The following MBD2 variants were observed in gnomAD, a reference collection of about 807,000 sequenced individuals.
The protein encoded by MBD2 is methyl-CpG binding domain protein 2, also known as methyl-CpG-binding domain protein 2.
MBD2 carries 9 observed loss-of-function variants against 39.3 expected under a neutral mutation model. That is an observed-to-expected ratio of 0.23 (90% CI 0.14 to 0.40). The LOEUF is 0.40. MBD2 is among the 10% of genes least tolerant of loss of function. MBD2 has a pLI of 1.00. For synonymous variants in MBD2, 233 were observed against 211.1 expected, an observed-to-expected ratio of 1.10 and a Z score of -0.90; for missense variants, 458 against 532.6, an observed-to-expected ratio of 0.86 and a Z score of 1.38.
chr18:54,223,215 C>T (rs1413752911), intron 1 of MBD2, among the ~76,000 whole-genome samples: 2 of 152,182 alleles, frequency 1.3e-5, no homozygotes, highest in East Asian at 1.9e-4. Context: ...AGCATGACCA[C>T]GGGATTGCAA....
intron 2 of MBD2, among the ~76,000 whole-genome samples, chr18:54,200,159 A>C (rs1314757510): frequency 6.6e-6 from 1 of 152,216 alleles, no homozygotes; most frequent in African/African-American, 2.4e-5. Flanking sequence ...CTTTATTTTC[A>C]AATGTATCCA....
In MBD2 at chr18:54,159,859, T is replaced by A; in HGVS notation, c.1154A>T (p.Glu385Val). ...CGACAAGATGTCTGCCATCAGTGCTTCTTCCAATTTCTTGCGTACTTGCTG... is the reference window on the plus strand; with the variant it reads ...CGACAAGATGTCTGCCATCAGTGCTACTTCCAATTTCTTGCGTACTTGCTG... ...RVQQVRKKLE[E>V]ALMADILSRA... Residue 385 changes from glutamate to valine, a missense_variant, in exon 6 of 7, where the codon GAA becomes GTA. This residue lies in a region of MBD2 where 189 missense variants were observed against 296.6 expected (regional missense o/e 0.64). Transcript: ENST00000256429. 2 of 1,612,932 alleles carry A rather than the reference T, an allele frequency of 1.2e-6. No individual in the cohort carries two copies. The highest frequency in any genetic ancestry group is 2.2e-5 in the South Asian group (2 of 91,084).
At chr18:54,160,099 C>T in intron 5 of MBD2, 196 bp from the exon 6 acceptor site, 1 of 557,808 alleles carries the variant, frequency 1.8e-6, no homozygotes, top group East Asian at 3.0e-5. Context: ...GAGGAATGTT[C>T]ACAGAGGCAG....
intron 2 of MBD2, 71 bp downstream of exon 2, chr18:54,204,927 A>T: frequency 6.8e-7 from 1 of 1,473,626 alleles, no homozygotes; most frequent in Non-Finnish European, 9.3e-7. Flanking sequence ...CCAGTCACTT[A>T]ATTATGATGT....
rs1196398276 is a variant in MBD2, at chr18:54,205,055, A to T, written c.645T>A (p.Pro215=). Residue 215 remains proline, a synonymous_variant, in exon 2 of 7, where the codon CCT becomes CCA. Coordinates refer to ENST00000256429, the MANE Select transcript of MBD2 (RefSeq NM_003927.5). The stretch of plus-strand genomic sequence containing the variant: ...TCTGTTTGTTCTTCTGTAATTTACT[A>T]GGCATCATCTTTCCAGTTCTGAAGT... The part of the protein sequence containing the change: ...SFDFRTGKMM[P]SKLQKNKQRL... 1 of 1,613,954 alleles carries T rather than the reference A, an allele frequency of 6.2e-7. No individual in the cohort carries two copies.
intron 1 of MBD2, among the ~76,000 whole-genome samples, chr18:54,209,008 TG>T (rs892326306): frequency 1.3e-5 from 2 of 151,942 alleles, no homozygotes; most frequent in Non-Finnish European, 2.9e-5. Context: ...AAAAATGAAA[TG>T]GGGGGCCAGG....
chr18:54,196,645 T>C (rs1281341683), intron 2 of MBD2, among the ~76,000 whole-genome samples: 1 of 152,210 alleles, frequency 6.6e-6, no homozygotes, highest in Non-Finnish European at 1.5e-5. Flanking sequence ...TCAGGACCTA[T>C]AAAAGTTCTG....
chr18:54,181,086 GT>G (rs1467124071), intron 3 of MBD2, among the ~76,000 whole-genome samples: 1 of 151,768 alleles, frequency 6.6e-6, no homozygotes, highest in Non-Finnish European at 1.5e-5. Flanking sequence ...GTAGAGATGC[GT>G]TTTCACCATG....
chr18:54,175,044 T>C lies in MBD2; in HGVS notation c.841-8878A>G, dbSNP rs150884164. On this transcript the variant is annotated intron_variant, in intron 3 of 6. Coordinates refer to ENST00000256429, the MANE Select transcript of MBD2 (RefSeq NM_003927.5). ...GTCTGGCTTATTCTTACATGAAAAC[T>C]GGAGAAAATTCACCAAACTGAGCCA... Among the ~76,000 whole-genome samples the C allele has an allele frequency of 4.9e-3, 739 of 152,354 alleles. 6 individuals carry two copies. Among genetic ancestry groups the C allele is most frequent in the African/African-American group, 0.017 (713 of 41,598 alleles).
chr18:54,173,778 A>C (rs1283511038), intron 3 of MBD2, among the ~76,000 whole-genome samples: 2 of 152,244 alleles, frequency 1.3e-5, no homozygotes, highest in East Asian at 3.8e-4. Context: ...GGGAATGAGG[A>C]AACCAGTATC....
chr18:54,176,994 T>C (rs1362035153), intron 3 of MBD2, among the ~76,000 whole-genome samples: 3 of 152,206 alleles, frequency 2.0e-5, no homozygotes, highest in East Asian at 1.9e-4. Flanking sequence ...AATTTTGCCA[T>C]GAATACTCTC....
intron 3 of MBD2, among the ~76,000 whole-genome samples, chr18:54,175,072 C>T (rs924321593): frequency 2.2e-4 from 33 of 152,294 alleles, no homozygotes; most frequent in African/African-American, 2.9e-4. Flanking sequence ...CTGAGCCACA[C>T]AAAAACCTAA....
intron 2 of MBD2, chr18:54,202,926 G>C: frequency 9.6e-7 from 1 of 1,041,462 alleles, no homozygotes; most frequent in Admixed American, 1.7e-5. Context: ...TCTGCCTGGA[G>C]TATGCAGGGC....
chr18:54,210,330 C>T (rs990071792), intron 1 of MBD2, among the ~76,000 whole-genome samples: 2 of 152,028 alleles, frequency 1.3e-5, no homozygotes, highest in Non-Finnish European at 2.9e-5. Flanking sequence ...ACCAGAAATA[C>T]TCAGATTACG....
rs552254667 is a variant in MBD2 at position 54,220,026 on chromosome 18, C to T, written c.542+3992G>A. ...TCATGTTAGCCAGAATGGTCTCGAT[C>T]TCCTGACCTCGTGATCCACCCGCCT... On this transcript the variant is annotated intron_variant, in intron 1 of 6. Coordinates refer to ENST00000256429, the MANE Select transcript of MBD2 (RefSeq NM_003927.5). Among the ~76,000 whole-genome samples the T allele has an allele frequency of 1.3e-3, 195 of 152,286 alleles. 2 individuals are homozygous for T. The highest frequency in any genetic ancestry group is 3.7e-3 in the African/African-American group (153 of 41,552).
intron 1 of MBD2, among the ~76,000 whole-genome samples, chr18:54,215,736 C>T (rs915632295): frequency 2.5e-4 from 38 of 151,090 alleles, no homozygotes; most frequent in African/African-American, 1.5e-4. Context: ...CCTCGTGATC[C>T]GCCTGCCTCG....
chr18:54,212,949 T>C (rs1405493058), intron 1 of MBD2, among the ~76,000 whole-genome samples: 1 of 151,548 alleles, frequency 6.6e-6, no homozygotes, highest in African/African-American at 2.4e-5. Flanking sequence ...AGAGGATTGC[T>C]TGAGCCTGGG....
chr18:54,185,545 T>C (rs7238796), intron 3 of MBD2, among the ~76,000 whole-genome samples: 2,221 of 152,038 alleles, frequency 0.015, 43 homozygotes, highest in African/African-American at 0.051. Flanking sequence ...AAATAAGAAA[T>C]AGAAATGGTA....
At chr18:54,185,384 GTCAAAAACACAAA>G (rs2144307054) in intron 3 of MBD2, among the ~76,000 whole-genome samples, 1 of 152,198 alleles carries the variant, frequency 6.6e-6, no homozygotes, top group East Asian at 1.9e-4. Flanking sequence ...TTCAAAGACT[GTCAAAAACACAAA>G]AGCCTTTTAG....
Sources: gnomAD v4.1 joint callset for allele counts (sites outside exome capture counted in the v4.1 genomes callset) on GRCh38, gnomAD v4.1.1 for gene constraint, gnomAD v4.1.1 regional missense constraint, MANE v1.5 for transcripts, NCBI Gene and HGNC (gene_info 2026-07-23, HGNC 2026-07-21) for gene names.